Variants in ROCK1 observed in about 807,000 individuals in gnomAD.
ROCK1 encodes the protein rho-associated protein kinase 1.
Under a neutral mutation model 196.8 loss-of-function variants are expected in ROCK1, and 36 were observed. The ratio of observed to expected loss-of-function variants is 0.18; its 90% confidence interval spans 0.14 to 0.24. The LOEUF (loss-of-function observed/expected upper bound fraction) is 0.24. Ranked by LOEUF, ROCK1 falls within the 10% of genes least tolerant of loss-of-function variation. The pLI is 1.00. For synonymous variants in ROCK1, 443 were observed against 515.9 expected, an observed-to-expected ratio of 0.86 and a Z score of 1.91; for missense variants, 920 against 1,562.0, an observed-to-expected ratio of 0.59 and a Z score of 6.93.
At chr18:21,104,550 T>A (rs1423072666) in intron 1 of ROCK1, among the ~76,000 whole-genome samples, 1 of 152,104 alleles carries the variant, frequency 6.6e-6, no homozygotes, top group African/African-American at 2.4e-5. Flanking sequence ...TAAGCCAAGA[T>A]AGCGCCACGG....
chr18:21,107,453 C>T (rs142138113), intron 1 of ROCK1, among the ~76,000 whole-genome samples: 1 of 152,216 alleles, frequency 6.6e-6, no homozygotes, highest in African/African-American at 2.4e-5. Flanking sequence ...AAGGACTGCA[C>T]GTGGCACATA....
Position 21,111,002 on chromosome 18 carries a change from G to T in ROCK1, c.-92C>A. The T allele has an allele frequency of 9.4e-7, 1 of 1,069,268 alleles. No individual in the cohort carries two copies. Among genetic ancestry groups the T allele is most frequent in the Non-Finnish European group, 1.4e-6 (1 of 702,902 alleles). The allele number at this position is 1,069,268 out of a possible 1,614,324, so 66.2% of individuals were successfully genotyped here. A position where few individuals can be genotyped will look rare whatever the true frequency, so the allele number is the denominator to read the frequency against. On this transcript the variant is annotated 5_prime_UTR_variant, in exon 1 of 33. Transcript: ENST00000399799. The surrounding 1 kb of genome is among the most constrained non-coding windows in gnomAD (Gnocchi z 4.2). ...CTCCGCGGTGGGTTCGCAGCCGCGG[G>T]GCGGAGGAGCCGGAACCTCAGGGTC...
chr18:21,071,387 G>A (rs1158320480), intron 1 of ROCK1, among the ~76,000 whole-genome samples: 1 of 151,972 alleles, frequency 6.6e-6, no homozygotes, highest in Non-Finnish European at 1.5e-5. Context: ...TATTGCCCAG[G>A]CTGGTCTTGA....
intron 22 of ROCK1, among the ~76,000 whole-genome samples, chr18:20,976,714 C>A (rs762241215): frequency 3.9e-5 from 6 of 152,180 alleles, no homozygotes; most frequent in Non-Finnish European, 8.8e-5. Context: ...ATCAAATCAG[C>A]TTCAAGTTCT....
chr18:21,035,609 T>C (rs1183691768), intron 9 of ROCK1, among the ~76,000 whole-genome samples: 1 of 152,186 alleles, frequency 6.6e-6, no homozygotes, highest in East Asian at 1.9e-4. Context: ...AATATGGATA[T>C]AAAATATCCG....
chr18:21,097,693 GACGATGATTACAAACAGCTA>G (rs1215836699), intron 1 of ROCK1, among the ~76,000 whole-genome samples: 10 of 152,330 alleles, frequency 6.6e-5, no homozygotes, highest in African/African-American at 2.4e-4. Context: ...ATATAATGAT[GACGATGATTACAAACAGCTA>G]ACATCTACTA....
intron 1 of ROCK1, among the ~76,000 whole-genome samples, chr18:21,096,185 AT>A (rs1315645083): frequency 6.6e-6 from 1 of 151,962 alleles, no homozygotes. Context: ...CATTTTTAAA[AT>A]TATTTTTTGT....
In ROCK1 at chr18:21,032,979, A is replaced by C. The variant is rs1218486633; in HGVS notation, c.1052-4044T>G. Among the ~76,000 whole-genome samples, 4 of 152,238 alleles carry C rather than the reference A, an allele frequency of 2.6e-5. No individual in the cohort carries two copies. The East Asian group carries it at 7.8e-4, about 30-fold the overall frequency. ...TGGAAGGCCAAGGGAGGGTGGCTTA[A>C]GACCAGGAGTTTGAAACCAGTCTGG... On this transcript the variant is annotated intron_variant, in intron 9 of 32. Transcript: ENST00000399799.
intron 27 of ROCK1, among the ~76,000 whole-genome samples, chr18:20,963,111 A>G (rs2035342431): frequency 6.6e-6 from 1 of 152,098 alleles, no homozygotes; most frequent in Non-Finnish European, 1.5e-5. Context: ...CTAAGTCTGG[A>G]TTATCCTTAA....
At chr18:20,993,006 T>TG (rs2035639667) in intron 16 of ROCK1, 69 bp from the exon 17 acceptor site, 1 of 924,990 alleles carries the variant, frequency 1.1e-6, no homozygotes, top group Non-Finnish European at 1.7e-6. Flanking sequence ...TATTGACAAT[T>TG]TAGTTTTTAA....
intron 11 of ROCK1, among the ~76,000 whole-genome samples, chr18:21,021,882 C>T (rs1274000849): frequency 6.6e-6 from 1 of 152,068 alleles, no homozygotes; most frequent in African/African-American, 2.4e-5. Flanking sequence ...TTACGTAGGT[C>T]AAAGATTTTT....
chr18:20,994,315 A>G (rs747458942), intron 16 of ROCK1, among the ~76,000 whole-genome samples: 18 of 152,180 alleles, frequency 1.2e-4, no homozygotes. Flanking sequence ...TAGAAATTAT[A>G]ATTTAAAAAA....
chr18:20,959,116 A>T (rs1356284371), intron 29 of ROCK1, among the ~76,000 whole-genome samples: 49 of 53,680 alleles, frequency 9.1e-4, no homozygotes, highest in Admixed American at 1.8e-3. Flanking sequence ...TATATATATT[A>T]TATAATATAT....
intron 18 of ROCK1, 60 bp downstream of exon 18, chr18:20,991,116 A>C: frequency 6.7e-7 from 1 of 1,484,368 alleles, no homozygotes; most frequent in Non-Finnish European, 9.1e-7. Flanking sequence ...GACCAAAACC[A>C]AATTTTTTCT....
chr18:21,111,261 G>T lies in ROCK1; in HGVS notation c.-351C>A. On this transcript the variant is annotated 5_prime_UTR_variant, in exon 1 of 33. Coordinates refer to ENST00000399799, the MANE Select transcript of ROCK1 (RefSeq NM_005406.3). This position sits in a 1 kb window ranked among gnomAD's most constrained non-coding sequence, Gnocchi z 4.2. ...CGCCATGGAGGGGTCCCCGTCCCGA[G>T]ATGGGCAGGAGCGGGTAGAGAAAGA... 1 of 482,858 alleles carries T rather than the reference G, an allele frequency of 2.1e-6. No homozygotes were observed. Among genetic ancestry groups the T allele is most frequent in the East Asian group, 3.3e-5 (1 of 30,528 alleles). 29.9% of individuals were successfully genotyped at this position (482,858 alleles called of 1,614,324 possible).
intron 29 of ROCK1, among the ~76,000 whole-genome samples, chr18:20,958,972 AAT>A (rs1312158707): frequency 3.3e-4 from 30 of 91,632 alleles, no homozygotes; most frequent in East Asian, 2.7e-3. Context: ...TAATATATAT[AAT>A]ATATATATTT....
intron 13 of ROCK1, among the ~76,000 whole-genome samples, chr18:21,012,228 G>C (rs1341006819): frequency 2.0e-5 from 3 of 152,166 alleles, no homozygotes; most frequent in Non-Finnish European, 2.9e-5. Flanking sequence ...TGGGATTACA[G>C]GTGTGAACCA....
At chr18:20,959,272 C>T (rs1411196219) in intron 29 of ROCK1, among the ~76,000 whole-genome samples, 15 of 124,824 alleles carry the variant, frequency 1.2e-4, no homozygotes, top group African/African-American at 4.0e-4. Context: ...AGTGCAGTGG[C>T]GCAATCTAGG....
At chr18:20,968,077 T>C (rs1598511310) in intron 25 of ROCK1, 137 bp from the exon 26 acceptor site, 3 of 787,156 alleles carry the variant, frequency 3.8e-6, no homozygotes, top group Middle Eastern at 3.9e-4. Flanking sequence ...GGTTGAGACA[T>C]GATAACTGGT....
Sources: gnomAD v4.1 joint callset for allele counts (sites outside exome capture counted in the v4.1 genomes callset) on GRCh38, gnomAD v4.1.1 for gene constraint, Gnocchi (gnomAD v3.1) non-coding constraint, MANE v1.5 for transcripts, NCBI Gene and HGNC (gene_info 2026-07-23, HGNC 2026-07-21) for gene names.